Variants in MITF observed in about 807,000 individuals in gnomAD.
MITF encodes melanocyte inducing transcription factor.
In MITF, 17 loss-of-function variants were observed where a neutral mutation model predicts 60.5. The observed-to-expected ratio is 0.28, with a 90% CI of 0.19 to 0.42. MITF has a LOEUF of 0.42. Ranked by LOEUF, MITF falls within the 10% of genes least tolerant of loss-of-function variation. The pLI, the probability that MITF is intolerant of heterozygous loss-of-function variation, is 1.00. For missense variants in MITF, 622 were observed against 683.5 expected (o/e 0.91, Z 1.00); for synonymous variants, 260 against 248.5 (o/e 1.05, Z -0.43).
chr3:69,850,079 C>G (rs764991515), intron 1 of MITF, among the ~76,000 whole-genome samples: 2 of 152,214 alleles, frequency 1.3e-5, no homozygotes, highest in Non-Finnish European at 2.9e-5. Context: ...AAGTATTTGA[C>G]CAAAAAGATC....
chr3:69,781,499 A>G (rs1158085255), intron 1 of MITF, among the ~76,000 whole-genome samples: 2 of 152,176 alleles, frequency 1.3e-5, no homozygotes, highest in Non-Finnish European at 2.9e-5. Flanking sequence ...AGCGAGCATT[A>G]AACCAAGCCC....
At chr3:69,779,569 A>AGG (rs1444141333) in intron 1 of MITF, among the ~76,000 whole-genome samples, 3 of 152,174 alleles carry the variant, frequency 2.0e-5, no homozygotes, top group Admixed American at 6.6e-5. Flanking sequence ...GGTCAAAATG[A>AGG]GGAGACCCTT....
chr3:69,783,035 G>A (rs2062590926), intron 1 of MITF, among the ~76,000 whole-genome samples: 1 of 152,162 alleles, frequency 6.6e-6, no homozygotes, highest in African/African-American at 2.4e-5. Context: ...ATAATGTACT[G>A]TAGGATGAGA....
chr3:69,910,735 A>G (rs907382611), intron 2 of MITF, among the ~76,000 whole-genome samples: 22 of 152,118 alleles, frequency 1.4e-4, no homozygotes, highest in African/African-American at 2.4e-5. Context: ...GTTTTGGCCA[A>G]TTTATCCCAT....
At chr3:69,831,522 A>T (rs17638538) in intron 1 of MITF, among the ~76,000 whole-genome samples, 25,400 of 152,162 alleles carry the variant, frequency 0.17, 2,249 homozygotes, top group Non-Finnish European at 0.21. Context: ...GTAGGTAACT[A>T]ATCTGGGTCC....
At chr3:69,747,084 G>A (rs1286258603) in intron 1 of MITF, among the ~76,000 whole-genome samples, 1 of 152,188 alleles carries the variant, frequency 6.6e-6, no homozygotes, top group Non-Finnish European at 1.5e-5. Context: ...TATCTTTAAT[G>A]GCTGACCTTT....
intron 9 of MITF, among the ~76,000 whole-genome samples, chr3:69,959,801 G>A (rs1207021547): frequency 1.3e-5 from 2 of 152,108 alleles, no homozygotes; most frequent in African/African-American, 2.4e-5. Flanking sequence ...TGGTGATTTC[G>A]CTGTTTAAAA....
At chr3:69,806,470 G>A (rs1452598187) in intron 1 of MITF, among the ~76,000 whole-genome samples, 1 of 152,012 alleles carries the variant, frequency 6.6e-6, no homozygotes, top group African/African-American at 2.4e-5. Context: ...AACTTTGGGG[G>A]TCAAGAGCCA....
chr3:69,888,789 G>GC (rs2064685422), intron 2 of MITF, among the ~76,000 whole-genome samples: 1 of 151,898 alleles, frequency 6.6e-6, no homozygotes, highest in African/African-American at 2.4e-5. Flanking sequence ...GCCATCTATG[G>GC]CCCCCCTATT....
At chr3:69,784,574 G>C (rs1381162400) in intron 1 of MITF, among the ~76,000 whole-genome samples, 1 of 152,104 alleles carries the variant, frequency 6.6e-6, no homozygotes, top group Non-Finnish European at 1.5e-5. Flanking sequence ...GTTTTTAACT[G>C]AAGATATTCC....
intron 5 of MITF, among the ~76,000 whole-genome samples, chr3:69,943,533 T>C (rs1157899154): frequency 1.3e-5 from 2 of 152,176 alleles, no homozygotes; most frequent in Non-Finnish European, 2.9e-5. Flanking sequence ...AATAATGTTA[T>C]CTAAATTATT....
intron 6 of MITF, 69 bp from the exon 7 acceptor site, chr3:69,951,743 A>C: frequency 8.7e-7 from 1 of 1,149,310 alleles, no homozygotes; most frequent in Non-Finnish European, 1.3e-6. Flanking sequence ...GAAATGAGAT[A>C]TTTTGTAGTT....
chr3:69,756,123 G>C (rs1704136570), intron 1 of MITF, among the ~76,000 whole-genome samples: 1 of 151,878 alleles, frequency 6.6e-6, no homozygotes, highest in African/African-American at 2.4e-5. Context: ...GGTATATGTG[G>C]CAAGTTTTTT....
intron 1 of MITF, among the ~76,000 whole-genome samples, chr3:69,809,334 T>A (rs2063063780): frequency 6.6e-6 from 1 of 152,178 alleles, no homozygotes; most frequent in Non-Finnish European, 1.5e-5. Context: ...TTTCTTACCC[T>A]GATCTCTGCT....
chr3:69,761,169 C>G (rs1445369501), intron 1 of MITF, among the ~76,000 whole-genome samples: 1 of 151,882 alleles, frequency 6.6e-6, no homozygotes. Flanking sequence ...AGGAAGGTAC[C>G]TATGTAATTA....
At chr3:69,897,881 C>G (rs893288540) in intron 2 of MITF, among the ~76,000 whole-genome samples, 1 of 152,212 alleles carries the variant, frequency 6.6e-6, no homozygotes, top group Non-Finnish European at 1.5e-5. Flanking sequence ...TGAGTCACAG[C>G]TTGTGCTAGT....
chr3:69,753,839 C>T (rs571867238), intron 1 of MITF, among the ~76,000 whole-genome samples: 5 of 152,296 alleles, frequency 3.3e-5, no homozygotes, highest in South Asian at 4.1e-4. Context: ...AAGTAACTAA[C>T]TTGTTTTTTA....
At chr3:69,867,351 T>G (rs189982894) in intron 1 of MITF, among the ~76,000 whole-genome samples, 1 of 152,164 alleles carries the variant, frequency 6.6e-6, no homozygotes, top group Non-Finnish European at 1.5e-5. Flanking sequence ...ATAATTACCA[T>G]AAGTTTAAGT....
intron 2 of MITF, among the ~76,000 whole-genome samples, chr3:69,923,707 A>G (rs1430292284): frequency 6.6e-6 from 1 of 152,164 alleles, no homozygotes; most frequent in Non-Finnish European, 1.5e-5. Flanking sequence ...TCCTACCTAT[A>G]TTCTCCAAAG....
Sources: gnomAD v4.1 joint callset for allele counts (sites outside exome capture counted in the v4.1 genomes callset) on GRCh38, gnomAD v4.1.1 for gene constraint, MANE v1.5 for transcripts, NCBI Gene and HGNC (gene_info 2026-07-23, HGNC 2026-07-21) for gene names.